Variants in AOPEP observed in about 807,000 individuals in gnomAD.
The protein encoded by AOPEP is aminopeptidase O.
In AOPEP, 77 loss-of-function variants were observed where a neutral mutation model predicts 98.1. The observed-to-expected ratio is 0.78, with a 90% CI of 0.65 to 0.95. The LOEUF is 0.95. Among genes scored for constraint, AOPEP ranks in the 40% least tolerant of loss-of-function variants. The pLI, the probability that AOPEP is intolerant of heterozygous loss-of-function variation, is 0.00. For missense variants in AOPEP, 1,024 were observed against 1,024.7 expected, an observed-to-expected ratio of 1.00 and a Z score of 0.01; for synonymous variants, 346 against 365.3, an observed-to-expected ratio of 0.95 and a Z score of 0.60.
downstream of AOPEP, among the ~76,000 whole-genome samples, chr9:95,088,910 G>A (rs58038897): frequency 0.015 from 2,342 of 152,300 alleles, 62 homozygotes; most frequent in African/African-American, 0.053. Context: ...TTGCTGTCAC[G>A]GATTTGACTG....
At chr9:94,852,057 C>T (rs2043617256) in intron 5 of AOPEP, among the ~76,000 whole-genome samples, 1 of 151,996 alleles carries the variant, frequency 6.6e-6, no homozygotes, top group Non-Finnish European at 1.5e-5. Context: ...GTCACAGTAG[C>T]CCTGACGAGA....
intron 5 of AOPEP, among the ~76,000 whole-genome samples, chr9:94,920,542 G>A (rs7046628): frequency 0.062 from 9,410 of 152,166 alleles, 963 homozygotes; most frequent in African/African-American, 0.21. Flanking sequence ...AAGATGGGCC[G>A]TGCTGGTCAG....
At chr9:94,927,123 C>T (rs1480125805) in intron 6 of AOPEP, among the ~76,000 whole-genome samples, 5 of 152,156 alleles carry the variant, frequency 3.3e-5, no homozygotes, top group Admixed American at 6.5e-5. Context: ...CAGGTGGCCA[C>T]GAGCTGCTTT....
rs55972839 is a variant in AOPEP at position 94,869,010 on chromosome 9, C to G, written c.1365-54976C>G. 6.7e-3 allele frequency among the ~76,000 whole-genome samples: 1,021 copies of G among 152,240 alleles called. 8 individuals carry two copies. The highest frequency in any genetic ancestry group is 0.024 in the African/African-American group (977 of 41,544). ...TTGGGAGGCCAGTGCAGGTGGATCA[C>G]TTGAGGTCAGGAGTTCGAGACCAGC... On this transcript the variant is annotated intron_variant, in intron 5 of 16. Transcript: ENST00000375315.
At chr9:94,923,010 C>T (rs960047001) in intron 5 of AOPEP, among the ~76,000 whole-genome samples, 1 of 152,140 alleles carries the variant, frequency 6.6e-6, no homozygotes, top group Non-Finnish European at 1.5e-5. Context: ...AGGGAGGAAC[C>T]GGTGTGTACA....
In AOPEP at chr9:95,059,091, C is replaced by T. The variant is rs573144065; in HGVS notation, c.2116-1603C>T. ...AAAACAGTAGATTTCTTTTTAATAC[C>T]GTATGGTGGATGGGTGATTTTGTTA... On this transcript the variant is annotated intron_variant, in intron 13 of 16. Coordinates refer to ENST00000375315, the MANE Select transcript of AOPEP (RefSeq NM_001193329.3). Among the ~76,000 whole-genome samples the T allele has an allele frequency of 3.9e-5, 6 of 152,254 alleles. No homozygotes were observed. The South Asian group carries it at 6.2e-4, about 16-fold the overall frequency.
the AOPEP span, among the ~76,000 whole-genome samples, chr9:95,147,465 G>A: frequency 3.3e-5 from 5 of 152,138 alleles, no homozygotes; most frequent in South Asian, 8.3e-4. Context: ...GCGGTGAGCC[G>A]AGATTGCACC....
rs144119864 is a variant in AOPEP, at chr9:94,989,904, C to T, written c.1977+10477C>T. 5.2e-3 allele frequency among the ~76,000 whole-genome samples: 796 copies of T among 152,156 alleles called. 13 individuals carry two copies. Among genetic ancestry groups the T allele is most frequent in the East Asian group, 0.043 (221 of 5,152 alleles). ...GATTACAGGCATGAGCCACTGCGCCCGGCCAAGTAACCCAAACATTTGGCT... is the reference window on the plus strand; with the variant it reads ...GATTACAGGCATGAGCCACTGCGCCTGGCCAAGTAACCCAAACATTTGGCT... On this transcript the variant is annotated intron_variant, in intron 11 of 16. Coordinates refer to ENST00000375315, the MANE Select transcript of AOPEP (RefSeq NM_001193329.3).
intron 5 of AOPEP, among the ~76,000 whole-genome samples, chr9:94,914,562 A>G (rs201047714): frequency 0.044 from 3,005 of 68,020 alleles, 101 homozygotes; most frequent in African/African-American, 0.14. Context: ...GTGTGTGTGT[A>G]TGTACAGGAT....
intron 13 of AOPEP, among the ~76,000 whole-genome samples, chr9:95,018,135 C>G (rs1470056145): frequency 1.3e-5 from 2 of 152,124 alleles, no homozygotes; most frequent in Non-Finnish European, 2.9e-5. Flanking sequence ...TTTCATTTCT[C>G]TTGGGTGGGT....
chr9:94,953,944 T>A (rs2058283027), intron 7 of AOPEP, among the ~76,000 whole-genome samples: 1 of 152,186 alleles, frequency 6.6e-6, no homozygotes. Flanking sequence ...ATATTTAAAA[T>A]TTTAAAGCCA....
rs1335739739 is a variant in AOPEP at position 94,972,429 on chromosome 9, C to G, written c.1916+4628C>G. On this transcript the variant is annotated intron_variant, in intron 10 of 16. Coordinates refer to ENST00000375315, the MANE Select transcript of AOPEP (RefSeq NM_001193329.3). The surrounding 1 kb of genome is among the most constrained non-coding windows in gnomAD (Gnocchi z 4.2). ...CTGGTGAAAGAGCCCCGTGGAACGCCTTATGCCAGTGTCCTTGCTGCCTGG... is the reference window on the plus strand; with the variant it reads ...CTGGTGAAAGAGCCCCGTGGAACGCGTTATGCCAGTGTCCTTGCTGCCTGG... Among the ~76,000 whole-genome samples the G allele has an allele frequency of 6.6e-6, 1 of 152,200 alleles. No homozygotes were observed. The highest frequency in any genetic ancestry group is 1.5e-5 in the Non-Finnish European group (1 of 68,038).
intron 5 of AOPEP, among the ~76,000 whole-genome samples, chr9:94,870,185 T>TGG (rs2046184274): frequency 6.6e-6 from 1 of 152,090 alleles, no homozygotes; most frequent in African/African-American, 2.4e-5. Flanking sequence ...AAACGGGGTT[T>TGG]CACCATGTTA....
chr9:94,874,089 A>G (rs933141436), intron 5 of AOPEP, among the ~76,000 whole-genome samples: 15 of 152,190 alleles, frequency 9.9e-5, no homozygotes, highest in Non-Finnish European at 2.2e-4. Flanking sequence ...TCACTTTAAT[A>G]TTGAATTGAA....
chr9:94,785,488 G>A lies in AOPEP; in HGVS notation c.965-7277G>A, dbSNP rs999411240. On this transcript the variant is annotated intron_variant, in intron 3 of 16. Coordinates refer to ENST00000375315, the MANE Select transcript of AOPEP (RefSeq NM_001193329.3). Reference sequence around the variant, plus strand: ...CAATAGGAGAAAGTGATGTAGGGGCGTTAGAGAACTCTGGTCTCTTTCTGA... The same window carrying A: ...CAATAGGAGAAAGTGATGTAGGGGCATTAGAGAACTCTGGTCTCTTTCTGA... 3.2e-4 allele frequency among the ~76,000 whole-genome samples: 49 copies of A among 152,188 alleles called. 1 individual carries two copies. Among genetic ancestry groups the A allele is most frequent in the South Asian group, 2.1e-4 (1 of 4,826 alleles).
At chr9:94,849,806 G>A (rs2135136271) in intron 5 of AOPEP, among the ~76,000 whole-genome samples, 1 of 152,158 alleles carries the variant, frequency 6.6e-6, no homozygotes, top group South Asian at 2.1e-4. Context: ...AGGCTGAGGT[G>A]GGTGGATCAC....
chr9:94,876,752 A>G (rs1175134810), intron 5 of AOPEP, among the ~76,000 whole-genome samples: 1 of 152,138 alleles, frequency 6.6e-6, no homozygotes, highest in African/African-American at 2.4e-5. Flanking sequence ...TTCTGTAGTA[A>G]CAAAATCAGG....
At chr9:95,084,830 C>T (rs2070407487) in intron 16 of AOPEP, among the ~76,000 whole-genome samples, 1 of 152,156 alleles carries the variant, frequency 6.6e-6, no homozygotes, top group African/African-American at 2.4e-5. Context: ...TCCCAGGGCC[C>T]CTTCCAGCAG....
chr9:94,772,880 A>C, intron 2 of AOPEP, 122 bp from the exon 3 acceptor site: 1 of 960,354 alleles, frequency 1.0e-6, no homozygotes, highest in Non-Finnish European at 1.5e-6. Flanking sequence ...AAACCAGTCA[A>C]CTACAAAGTT....
Sources: gnomAD v4.1 joint callset for allele counts (sites outside exome capture counted in the v4.1 genomes callset) on GRCh38, gnomAD v4.1.1 for gene constraint, Gnocchi (gnomAD v3.1) non-coding constraint, MANE v1.5 for transcripts, NCBI Gene and HGNC (gene_info 2026-07-23, HGNC 2026-07-21) for gene names.